Variants in PITRM1 observed in about 807,000 individuals in gnomAD.
PITRM1 encodes presequence protease, mitochondrial.
PITRM1 carries 100 observed loss-of-function variants against 129.9 expected under a neutral mutation model. The observed-to-expected ratio is 0.77, with a 90% confidence interval of 0.65 to 0.91. The LOEUF (loss-of-function observed/expected upper bound fraction) is 0.91, where lower values mean the gene tolerates loss of function less well. Ranked by LOEUF, PITRM1 falls within the 40% of genes least tolerant of loss-of-function variation. The probability of loss-of-function intolerance (pLI) is 0.00; values close to 1 mark genes in which losing one functional copy is unlikely to be tolerated. For missense variants in PITRM1, 1,471 were observed against 1,318.3 expected (o/e 1.12, Z -1.79); for synonymous variants, 591 against 508.8 (o/e 1.16, Z -2.17).
rs1055978243 is a variant in PITRM1, at chr10:3,143,263, C to T, written c.2645+126G>A. ...GAGCACTCGTAGACTCACACAGCCC[C>T]AGGTCCAACACTCAGAGTCAGCACA... On this transcript the variant is annotated intron_variant, in intron 23 of 26. Transcript: ENST00000224949. 4.6e-6 allele frequency: 3 copies of T among 650,532 alleles called. No individual in the cohort carries two copies. In the African/African-American group the frequency reaches 5.4e-5, roughly 12 times the overall value. 40.3% of individuals were successfully genotyped at this position (650,532 alleles called of 1,614,324 possible).
chr10:3,143,614 G>A, intron 22 of PITRM1, 113 bp from the exon 23 acceptor site: 1 of 747,602 alleles, frequency 1.3e-6, no homozygotes, highest in Non-Finnish European at 2.4e-6. Context: ...ACTGCCCACG[G>A]CACTGGGACT....
intron 14 of PITRM1, among the ~76,000 whole-genome samples, chr10:3,152,519 A>G (rs946055304): frequency 2.6e-5 from 4 of 152,068 alleles, no homozygotes; most frequent in Non-Finnish European, 5.9e-5. Context: ...TCATCCCTCC[A>G]CAGGTGCCCC....
intron 2 of PITRM1, among the ~76,000 whole-genome samples, 189 bp downstream of exon 2, chr10:3,169,915 G>A (rs1043430549): frequency 2.0e-5 from 3 of 152,208 alleles, no homozygotes; most frequent in African/African-American, 7.2e-5. Context: ...TTCCAGGAAG[G>A]GACTGGGGCT....
At chr10:3,141,957 C>T (rs1022219765) in intron 23 of PITRM1, among the ~76,000 whole-genome samples, 2 of 152,112 alleles carry the variant, frequency 1.3e-5, no homozygotes, top group African/African-American at 4.8e-5. Context: ...GCAGGGATGG[C>T]GTTCCATCCG....
At chr10:3,140,399 A>G (rs9423701) in intron 24 of PITRM1, among the ~76,000 whole-genome samples, 48,985 of 152,150 alleles carry the variant, frequency 0.32, 8,292 homozygotes, top group African/African-American at 0.43. Flanking sequence ...GTAATAAACC[A>G]TGGAAGGCAA....
At position 3,138,261 on chromosome 10, in the gene PITRM1, G is replaced by T; in HGVS notation, c.2994C>A (p.His998Gln). ...AHREQLFAVSHDKLLAVSDRY... is the reference protein window; with the variant it reads ...AHREQLFAVSQDKLLAVSDRY... ...TATCGCTCACGGCCAGGAGCTTGTCGTGGCTGACAGCAAAGAGCTGCTCTC... is the reference window on the plus strand; with the variant it reads ...TATCGCTCACGGCCAGGAGCTTGTCTTGGCTGACAGCAAAGAGCTGCTCTC... The change falls in exon 26 of 27, where the codon CAC becomes CAA. Residue 998 changes from histidine (H) to glutamine (Q), a missense_variant. By Grantham distance (24) the His-to-Gln change is conservative (BLOSUM62 0). Coordinates refer to ENST00000224949, the MANE Select transcript of PITRM1 (RefSeq NM_014889.4). The T allele has an allele frequency of 8.7e-6, 14 of 1,613,406 alleles. No individual in the cohort carries two copies. Among genetic ancestry groups the T allele is most frequent in the Non-Finnish European group, 1.2e-5 (14 of 1,179,416 alleles).
chr10:3,140,133 TACA>T (rs1840036526), intron 24 of PITRM1, among the ~76,000 whole-genome samples: 1 of 152,184 alleles, frequency 6.6e-6, no homozygotes, highest in African/African-American at 2.4e-5. Context: ...ATTAACAAAA[TACA>T]ACAATTATAC....
intron 14 of PITRM1, among the ~76,000 whole-genome samples, chr10:3,153,841 CT>C (rs1181818208): frequency 2.0e-5 from 3 of 152,148 alleles, no homozygotes; most frequent in Non-Finnish European, 4.4e-5. Context: ...GCCCAATTAG[CT>C]TTTTTAATAG....
intron 23 of PITRM1, among the ~76,000 whole-genome samples, chr10:3,142,804 C>T (rs73577191): frequency 0.02 from 3,077 of 152,302 alleles, 99 homozygotes; most frequent in African/African-American, 0.071. Flanking sequence ...GAGGCGGCCT[C>T]CAGCCCTGCC....
intron 10 of PITRM1, 102 bp from the exon 11 acceptor site, chr10:3,158,255 C>T (rs1842139102): frequency 5.8e-6 from 4 of 690,060 alleles, no homozygotes; most frequent in Non-Finnish European, 7.6e-6. Flanking sequence ...CCTTAAACTC[C>T]AGCCCCTCCA....
In PITRM1 at chr10:3,165,545, G is replaced by A. The variant is rs1336116122; in HGVS notation, c.419-18C>T. The stretch of plus-strand genomic sequence containing the variant: ...ATCACTAGCTGGGTACAAATGAAAA[G>A]TGAAATTGTAAAATATAACAGATTT... On this transcript the variant is annotated intron_variant, in intron 4 of 26. Transcript: ENST00000224949. 3 of 1,350,340 alleles carry A rather than the reference G, an allele frequency of 2.2e-6. No individual in the cohort carries two copies. The highest frequency in any genetic ancestry group is 1.2e-5 in the South Asian group (1 of 84,272). 83.6% of individuals were successfully genotyped at this position (1,350,340 alleles called of 1,614,324 possible).
chr10:3,148,265 C>T lies in PITRM1; in HGVS notation c.1898G>A (p.Arg633Gln), dbSNP rs1045814023. 1.9e-6 allele frequency: 3 copies of T among 1,613,236 alleles called. No individual in the cohort carries two copies. The highest frequency in any genetic ancestry group is 1.7e-6 in the Non-Finnish European group (2 of 1,179,480). The change falls in exon 17 of 27, where the codon CGG (arginine) becomes CAG (glutamine). Residue 633 changes from arginine to glutamine, a missense_variant. Physicochemically the swap from Arg to Gln is conservative, Grantham distance 43. Coordinates refer to ENST00000224949, the MANE Select transcript of PITRM1 (RefSeq NM_014889.4). Reference sequence around the variant, plus strand: ...CAATTCTATCTGCTGAGCCTGCTCCCGGTAGTCAAGAAGGCCGCAGCCCAG... The same window carrying T: ...CAATTCTATCTGCTGAGCCTGCTCCTGGTAGTCAAGAAGGCCGCAGCCCAG... The part of the protein sequence containing the change: ...TKLGCGLLDY[R>Q]EQAQQIELKT...
Position 3,147,706 on chromosome 10 carries a change from C to A in PITRM1, c.2101G>T (p.Val701Leu), listed in dbSNP as rs1353858975. Residue 701 changes from valine to leucine, a missense_variant, in exon 19 of 27, where the codon GTG becomes TTG. Transcript: ENST00000224949. ...TCCTGGGCGGTCATCTTCACCAGCA[C>A]CTTGAAGTGCTCCTCTTCTTCAAAG... ...PCFEEEEHFK[V>L]LVKMTAQELA... is the part of the protein sequence containing the mutation. 3 of 1,604,134 alleles carry A rather than the reference C, an allele frequency of 1.9e-6. No homozygotes were observed. Among genetic ancestry groups the A allele is most frequent in the Non-Finnish European group, 2.5e-6 (3 of 1,176,702 alleles).
intron 1 of PITRM1, among the ~76,000 whole-genome samples, chr10:3,171,170 A>AAACAAAAAC (rs1564444424): frequency 7.1e-6 from 1 of 140,574 alleles, no homozygotes; most frequent in Non-Finnish European, 1.5e-5. Flanking sequence ...AAAAAAAAAA[A>AAACAAAAAC]AAAAAAAAAA....
chr10:3,156,900 T>C, intron 13 of PITRM1, 30 bp downstream of exon 13: 1 of 1,428,426 alleles, frequency 7.0e-7, no homozygotes. Flanking sequence ...AACTTCAAAA[T>C]TAGAGAAATG....
In PITRM1 at chr10:3,140,751, CTT is replaced by C. The variant is rs760768967; in HGVS notation, c.2705_2706del (p.Lys902ArgfsTer41). On this transcript the variant is annotated frameshift_variant, in exon 24 of 27. Coordinates refer to ENST00000224949, the MANE Select transcript of PITRM1 (RefSeq NM_014889.4). LOFTEE classifies it high-confidence loss of function. ...AKFLHTEIRE[K>X]GGAYGGGAKL... ...TTTGCGCCTCCACCATAAGCACCGC[CTT>C]TTTCTCGAATTTCTGTATGCAAGAA... 1 of 1,597,154 alleles carries C rather than the reference CTT, an allele frequency of 6.3e-7. No homozygotes were observed. The highest frequency in any genetic ancestry group is 2.2e-5 in the East Asian group (1 of 44,518).
intron 16 of PITRM1, chr10:3,149,005 TCC>T: frequency 6.6e-6 from 1 of 152,218 alleles, no homozygotes; most frequent in Non-Finnish European, 1.5e-5. Context: ...CAACTTCATC[TCC>T]ACAAAGGGAA....
At chr10:3,152,618 C>A (rs1350036908) in intron 14 of PITRM1, among the ~76,000 whole-genome samples, 1 of 152,248 alleles carries the variant, frequency 6.6e-6, no homozygotes, top group Non-Finnish European at 1.5e-5. Flanking sequence ...GGAGCCCAGG[C>A]TCCCAATGGC....
Position 3,172,543 on chromosome 10 carries a change from C to A in PITRM1, c.56+174G>T, listed in dbSNP as rs548596549. Among the ~76,000 whole-genome samples, 165 of 152,326 alleles carry A rather than the reference C, an allele frequency of 1.1e-3. 1 individual carries two copies. Among genetic ancestry groups the A allele is most frequent in the African/African-American group, 3.9e-3 (161 of 41,590 alleles). On this transcript the variant is annotated intron_variant, in intron 1 of 26. Coordinates refer to ENST00000224949, the MANE Select transcript of PITRM1 (RefSeq NM_014889.4). The stretch of plus-strand genomic sequence containing the variant: ...AGGAAGGAGCTCCGAGGTCCTCCGG[C>A]CTCGGAGCCTCGGATGCGGGAGCTC...
Sources: allele counts gnomAD v4.1 joint callset (sites outside exome capture counted in the v4.1 genomes callset), GRCh38; gene constraint gnomAD v4.1.1; transcripts MANE v1.5; gene names NCBI Gene and HGNC (gene_info 2026-07-23, HGNC 2026-07-21).